Variants in NAA35 observed in about 807,000 individuals in gnomAD.
The protein encoded by NAA35 is N-alpha-acetyltransferase 35, NatC auxiliary subunit.
NAA35 carries 18 observed loss-of-function variants against 101.7 expected under a neutral mutation model. That is an observed-to-expected ratio of 0.18 (90% CI 0.12 to 0.26). The LOEUF is 0.26. Among genes scored for constraint, NAA35 ranks in the 10% least tolerant of loss-of-function variants. The pLI is 1.00. For synonymous variants in NAA35, 267 were observed against 273.1 expected (o/e 0.98, Z 0.22); for missense variants, 601 against 886.8 (o/e 0.68, Z 4.09).
chr9:86,020,956 A>G lies in NAA35; in HGVS notation c.2105A>G (p.Lys702Arg). The G allele has an allele frequency of 6.2e-7, 1 of 1,611,612 alleles. No individual in the cohort carries two copies. Among genetic ancestry groups the G allele is most frequent in the Non-Finnish European group, 8.5e-7 (1 of 1,178,722 alleles). ...ATGAAGTTATTGGCAGGAGGACACA[A>G]AAAGGAATCTAAAGTGAGTACATTG... is the stretch of plus-strand genomic sequence containing the variant. ...VVMKLLAGGH[K>R]KESKVPPEFD... Residue 702 changes from lysine to arginine, a missense_variant, in exon 22 of 23, where the codon AAA becomes AGA. Physicochemically the swap from Lys to Arg is conservative, Grantham distance 26. Coordinates refer to ENST00000361671, the MANE Select transcript of NAA35 (RefSeq NM_024635.4).
intron 11 of NAA35, among the ~76,000 whole-genome samples, chr9:85,980,862 G>A (rs1382891518): frequency 6.6e-6 from 1 of 152,128 alleles, no homozygotes; most frequent in Non-Finnish European, 1.5e-5. Flanking sequence ...GGCCATTCCA[G>A]TAGAGAGGAA....
At chr9:85,982,146 T>A (rs891860121) in intron 11 of NAA35, among the ~76,000 whole-genome samples, 7 of 152,192 alleles carry the variant, frequency 4.6e-5, no homozygotes, top group African/African-American at 1.7e-4. Context: ...GGCAGCTTAC[T>A]GATAATGGGA....
At chr9:85,952,262 C>T (rs1471364270) in intron 2 of NAA35, among the ~76,000 whole-genome samples, 3 of 148,676 alleles carry the variant, frequency 2.0e-5, no homozygotes, top group African/African-American at 4.9e-5. Flanking sequence ...AAGTAGTGTT[C>T]CATGATAATT....
chr9:86,020,835 G>C, intron 21 of NAA35, 54 bp from the exon 22 acceptor site: 2 of 1,364,240 alleles, frequency 1.5e-6, no homozygotes, highest in Non-Finnish European at 2.1e-6. Flanking sequence ...AAAAGAAAAA[G>C]AGAAATTTTG....
chr9:85,997,764 A>G lies in NAA35; in HGVS notation c.1056+1187A>G, dbSNP rs544072715. Among the ~76,000 whole-genome samples the G allele has an allele frequency of 1.3e-3, 201 of 152,350 alleles. 1 individual carries two copies. Among genetic ancestry groups the G allele is most frequent in the African/African-American group, 4.6e-3 (190 of 41,582 alleles). On this transcript the variant is annotated intron_variant, in intron 12 of 22. Coordinates refer to ENST00000361671, the MANE Select transcript of NAA35 (RefSeq NM_024635.4). Reference sequence around the variant, plus strand: ...CTCCCAAAGTGCCAGGATTATAGGCATGGGCCAGTGTGCTTGGCCTCACCT... The same window carrying G: ...CTCCCAAAGTGCCAGGATTATAGGCGTGGGCCAGTGTGCTTGGCCTCACCT...
chr9:85,942,759 A>T (rs1354159221), intron 2 of NAA35, among the ~76,000 whole-genome samples: 1 of 152,168 alleles, frequency 6.6e-6, no homozygotes, highest in Non-Finnish European at 1.5e-5. Context: ...CGCCAGGCTT[A>T]TTACATTCCA....
intron 17 of NAA35, 129 bp downstream of exon 17, chr9:86,014,026 T>C (rs1408955706): frequency 2.8e-6 from 2 of 716,114 alleles, no homozygotes; most frequent in African/African-American, 1.8e-5. Flanking sequence ...TTGGAAAAAT[T>C]TGAAAATTAG....
chr9:85,965,222 C>T (rs1829694009), intron 6 of NAA35, among the ~76,000 whole-genome samples: 1 of 152,178 alleles, frequency 6.6e-6, no homozygotes, highest in East Asian at 1.9e-4. Flanking sequence ...ACACAAAGAC[C>T]TGTGTACAAG....
At chr9:85,970,938 CTGTT>C (rs1218873299) in intron 6 of NAA35, among the ~76,000 whole-genome samples, 1 of 152,206 alleles carries the variant, frequency 6.6e-6, no homozygotes, top group African/African-American at 2.4e-5. Context: ...AAGTGCTAAC[CTGTT>C]TGTTAATACT....
intron 21 of NAA35, among the ~76,000 whole-genome samples, chr9:86,020,306 G>A (rs926239281): frequency 2.6e-5 from 4 of 152,262 alleles, no homozygotes; most frequent in Non-Finnish European, 4.4e-5. Flanking sequence ...ATTTCATTTA[G>A]TGAAACTTCA....
rs1832471378 is a variant in NAA35, at chr9:86,020,466, GAA to G, written c.2038-421_2038-420del. 2.6e-5 allele frequency among the ~76,000 whole-genome samples: 4 copies of G among 152,142 alleles called. No homozygotes were observed. In the South Asian group the frequency reaches 8.3e-4, roughly 32 times the overall value. On this transcript the variant is annotated intron_variant, in intron 21 of 22. Coordinates refer to ENST00000361671, the MANE Select transcript of NAA35 (RefSeq NM_024635.4). ...GAAATGAAGTTCTATATTATTAAAAGAAATATATTTATAATTTTAAATTGCTT... is the reference window on the plus strand; with the variant it reads ...GAAATGAAGTTCTATATTATTAAAAGATATATTTATAATTTTAAATTGCTT...
At chr9:85,986,016 C>T (rs1199798652) in intron 11 of NAA35, among the ~76,000 whole-genome samples, 1 of 151,976 alleles carries the variant, frequency 6.6e-6, no homozygotes, top group East Asian at 1.9e-4. Flanking sequence ...GAAGGAAATC[C>T]CCAGGATGGT....
At chr9:85,995,633 A>C (rs1340928077) in intron 11 of NAA35, among the ~76,000 whole-genome samples, 1 of 152,182 alleles carries the variant, frequency 6.6e-6, no homozygotes, top group East Asian at 1.9e-4. Flanking sequence ...TTGGCATCTG[A>C]AACCATATTT....
At chr9:85,955,117 G>C (rs1298114575) in intron 2 of NAA35, among the ~76,000 whole-genome samples, 2 of 151,172 alleles carry the variant, frequency 1.3e-5, no homozygotes, top group African/African-American at 4.9e-5. Context: ...GGGTTTCACT[G>C]TGTTGGCCGT....
At chr9:85,941,302 A>G in intron 1 of NAA35, 29 bp downstream of exon 1, 1 of 985,472 alleles carries the variant, frequency 1.0e-6, no homozygotes, top group Non-Finnish European at 1.2e-6. Context: ...TAGCCATTGA[A>G]ACCCTCTCGC....
chr9:86,022,246 T>A lies in NAA35; in HGVS notation c.*286T>A, dbSNP rs772631407. 3.8e-6 allele frequency: 1 copy of A among 262,392 alleles called. No individual in the cohort carries two copies. Among genetic ancestry groups the A allele is most frequent in the East Asian group, 8.4e-5 (1 of 11,836 alleles). The allele number at this position is 262,392 out of a possible 1,614,324, so 16.3% of individuals were successfully genotyped here. ...ATCACAAATCATTTTTTATGAATGATTGAGTGAAAATAGTGTTTATAAAGG... is the reference window on the plus strand; with the variant it reads ...ATCACAAATCATTTTTTATGAATGAATGAGTGAAAATAGTGTTTATAAAGG... On this transcript the variant is annotated 3_prime_UTR_variant, in exon 23 of 23. Coordinates refer to ENST00000361671, the MANE Select transcript of NAA35 (RefSeq NM_024635.4).
At chr9:86,001,037 C>T (rs1831399117) in intron 12 of NAA35, among the ~76,000 whole-genome samples, 2 of 152,046 alleles carry the variant, frequency 1.3e-5, no homozygotes, top group African/African-American at 2.4e-5. Flanking sequence ...CTATGAATTT[C>T]GTTCTTAACA....
intron 3 of NAA35, among the ~76,000 whole-genome samples, chr9:85,957,930 A>G (rs1829344611): frequency 6.6e-6 from 1 of 150,586 alleles, no homozygotes; most frequent in South Asian, 2.1e-4. Flanking sequence ...GACCACAGAC[A>G]TCTTATATAT....
intron 6 of NAA35, chr9:85,966,608 C>G (rs1564295050): frequency 2.3e-6 from 3 of 1,293,804 alleles, no homozygotes; most frequent in Non-Finnish European, 2.0e-6. Context: ...TTCGCGGCTC[C>G]TAGAACTGAT....
Sources: gnomAD v4.1 joint callset for allele counts (sites outside exome capture counted in the v4.1 genomes callset) on GRCh38, gnomAD v4.1.1 for gene constraint, MANE v1.5 for transcripts, NCBI Gene and HGNC (gene_info 2026-07-23, HGNC 2026-07-21) for gene names.